The following DGLUCY variants were observed in gnomAD, a reference collection of about 807,000 sequenced individuals.
DGLUCY encodes the protein D-glutamate cyclase.
DGLUCY carries 58 observed loss-of-function variants against 58.5 expected under a neutral mutation model. The ratio of observed to expected loss-of-function variants is 0.99; its 90% confidence interval spans 0.80 to 1.23. DGLUCY has a LOEUF of 1.23. DGLUCY is among the 50% of genes most tolerant of loss of function. The pLI, the probability that DGLUCY is intolerant of heterozygous loss-of-function variation, is 0.00. For missense variants in DGLUCY, 779 were observed against 784.7 expected (o/e 0.99, Z 0.09); for synonymous variants, 325 against 314.1 (o/e 1.03, Z -0.37).
At chr14:91,061,294 C>A (rs1424586967) in intron 1 of DGLUCY, among the ~76,000 whole-genome samples, 1 of 152,150 alleles carries the variant, frequency 6.6e-6, no homozygotes, top group Non-Finnish European at 1.5e-5. Flanking sequence ...AGTTCTTAAA[C>A]GTTACAAAAA....
chr14:91,182,114 A>C (rs2049217130), intron 8 of DGLUCY, among the ~76,000 whole-genome samples: 1 of 151,696 alleles, frequency 6.6e-6, no homozygotes, highest in East Asian at 1.9e-4. Flanking sequence ...CTGAGTAGCT[A>C]GGACTATAGG....
At chr14:91,111,298 T>TTGAGATGGAG (rs2044697442), upstream of DGLUCY, among the ~76,000 whole-genome samples, 1 of 150,758 alleles carries the variant, frequency 6.6e-6, no homozygotes, top group African/African-American at 2.4e-5. Context: ...ATATTTTTTT[T>TTGAGATGGAG]TGAGATGGAG....
intron 1 of DGLUCY, among the ~76,000 whole-genome samples, chr14:91,097,135 G>A (rs1011145926): frequency 5.3e-5 from 8 of 152,222 alleles, no homozygotes; most frequent in African/African-American, 1.7e-4. Context: ...AGTGGCTCAC[G>A]CCTGTAATCC....
chr14:91,151,922 C>T (rs139948652), intron 1 of DGLUCY, among the ~76,000 whole-genome samples: 1,889 of 152,066 alleles, frequency 0.012, 37 homozygotes, highest in African/African-American at 0.044. Context: ...CAGGCGTGAG[C>T]CACCCCACCC....
At chr14:91,158,296 T>C (rs1487902577) in intron 2 of DGLUCY, among the ~76,000 whole-genome samples, 2 of 152,134 alleles carry the variant, frequency 1.3e-5, no homozygotes, top group Non-Finnish European at 2.9e-5. Flanking sequence ...AATGGAATCC[T>C]ACCTCACCTG....
chr14:91,150,855 A>T (rs1291183517), intron 1 of DGLUCY, among the ~76,000 whole-genome samples: 1 of 152,212 alleles, frequency 6.6e-6, no homozygotes, highest in East Asian at 1.9e-4. Context: ...GTTCTGTGGC[A>T]TTAAGTACAT....
intron 4 of DGLUCY, among the ~76,000 whole-genome samples, 158 bp from the exon 5 acceptor site, chr14:91,169,845 A>G (rs2048473291): frequency 6.6e-6 from 1 of 152,066 alleles, no homozygotes; most frequent in Non-Finnish European, 1.5e-5. Flanking sequence ...GGATGCCAGC[A>G]AGGCCCCCTG....
At chr14:91,121,257 T>C (rs1053340223) in intron 1 of DGLUCY, among the ~76,000 whole-genome samples, 2 of 152,194 alleles carry the variant, frequency 1.3e-5, no homozygotes, top group African/African-American at 4.8e-5. Context: ...CAGAAAGTGC[T>C]CTGTAAATGG....
chr14:91,197,327 ACTC>A (rs2050279238), intron 10 of DGLUCY, among the ~76,000 whole-genome samples: 1 of 151,410 alleles, frequency 6.6e-6, no homozygotes, highest in Admixed American at 6.6e-5. Context: ...CTGGTCTTGA[ACTC>A]CTAACCTCAG....
At chr14:91,166,320 T>C (rs2048278908) in intron 3 of DGLUCY, among the ~76,000 whole-genome samples, 1 of 152,206 alleles carries the variant, frequency 6.6e-6, no homozygotes, top group African/African-American at 2.4e-5. Context: ...GCCTGTGTCC[T>C]TCCCTGCAGG....
At chr14:91,141,260 C>T (rs960915025) in intron 1 of DGLUCY, among the ~76,000 whole-genome samples, 8 of 151,610 alleles carry the variant, frequency 5.3e-5, no homozygotes, top group Non-Finnish European at 1.2e-4. Flanking sequence ...GTAGTTCCAG[C>T]TACTCAGGAG....
chr14:91,131,118 T>G (rs576341454), intron 1 of DGLUCY, among the ~76,000 whole-genome samples: 1 of 152,124 alleles, frequency 6.6e-6, no homozygotes, highest in East Asian at 1.9e-4. Flanking sequence ...CCCGGCTAAG[T>G]TTGGTATTTT....
At position 91,196,431 on chromosome 14, in the gene DGLUCY, G is replaced by T; in HGVS notation, c.1252G>T (p.Ala418Ser). ...LTYQGGSVEA[A>S]QAFLCKNGDP... is the part of the protein sequence containing the mutation. ...TTACCAAGGTGGATCAGTGGAAGCT[G>T]CTCAGGCATTCCTGTGCAAAAATGG... The change falls in exon 10 of 14, where the codon GCT becomes TCT. Residue 418 changes from alanine (A) to serine (S), a missense_variant. Transcript: ENST00000256324. 1 of 1,614,168 alleles carries T rather than the reference G, an allele frequency of 6.2e-7. No individual in the cohort carries two copies.
chr14:91,095,611 G>A (rs1429212815), intron 1 of DGLUCY, among the ~76,000 whole-genome samples: 1 of 152,128 alleles, frequency 6.6e-6, no homozygotes, highest in Non-Finnish European at 1.5e-5. Context: ...CAGAAATGTG[G>A]CAACAGCTGG....
intron 13 of DGLUCY, 74 bp from the exon 14 acceptor site, chr14:91,224,610 T>C: frequency 7.0e-7 from 1 of 1,435,768 alleles, no homozygotes. Flanking sequence ...TCCTTCTCAC[T>C]TATAAATGTG....
upstream of DGLUCY, among the ~76,000 whole-genome samples, chr14:91,105,281 C>T (rs545474610): frequency 4.6e-5 from 7 of 152,146 alleles, no homozygotes; most frequent in African/African-American, 1.4e-4. Context: ...CACCACTGCA[C>T]TCCAGCCTGG....
intron 1 of DGLUCY, among the ~76,000 whole-genome samples, chr14:91,119,521 AT>A (rs1047139246): frequency 1.3e-5 from 2 of 151,564 alleles, no homozygotes; most frequent in Non-Finnish European, 2.9e-5. Flanking sequence ...TTTGCTAGAC[AT>A]TTTTTTTCCA....
intron 13 of DGLUCY, among the ~76,000 whole-genome samples, chr14:91,217,548 G>A (rs1375482673): frequency 4.7e-5 from 7 of 148,642 alleles, no homozygotes; most frequent in South Asian, 2.1e-4. Flanking sequence ...ATAGTGGCAC[G>A]ATCTCGGCTC....
intron 1 of DGLUCY, among the ~76,000 whole-genome samples, chr14:91,151,218 A>G (rs1196560927): frequency 6.6e-6 from 1 of 152,098 alleles, no homozygotes; most frequent in Non-Finnish European, 1.5e-5. Flanking sequence ...TAATTTTTCT[A>G]TAGTTTCTTA....
Sources: allele counts gnomAD v4.1 joint callset (sites outside exome capture counted in the v4.1 genomes callset), GRCh38; gene constraint gnomAD v4.1.1; transcripts MANE v1.5; gene names NCBI Gene and HGNC (gene_info 2026-07-23, HGNC 2026-07-21).